LRPAP1: variants seen among roughly 807,000 people sequenced by gnomAD.
LRPAP1 encodes alpha-2-macroglobulin receptor-associated protein.
LRPAP1 carries 41 observed loss-of-function variants against 39.9 expected under a neutral mutation model. That is an observed-to-expected ratio of 1.03 (90% CI 0.80 to 1.33). The LOEUF is 1.33. Ranked by LOEUF, LRPAP1 falls within the 40% of genes most tolerant of loss-of-function variation. The pLI is 0.00. For missense variants in LRPAP1, 565 were observed against 482.3 expected (o/e 1.17, Z -1.61); for synonymous variants, 263 against 212.7 (o/e 1.24, Z -2.06).
intron 2 of LRPAP1, among the ~76,000 whole-genome samples, chr4:3,522,810 G>A (rs562475829): frequency 2.6e-5 from 4 of 151,378 alleles, no homozygotes; most frequent in Admixed American, 2.0e-4. Flanking sequence ...GAACCCCAGA[G>A]CAGAGCAGGG....
At position 3,518,969 on chromosome 4, in the gene LRPAP1, G is replaced by C; in HGVS notation, c.494C>G (p.Ser165Cys). The change falls in exon 4 of 8, where the codon TCC (serine) becomes TGC (cysteine). Residue 165 changes from serine (S) to cysteine (C), a missense_variant. Ser to Cys is a moderately radical substitution (Grantham distance 112, BLOSUM62 -1). Coordinates refer to ENST00000650182, the MANE Select transcript of LRPAP1 (RefSeq NM_002337.4). ...CCAGAGCTTGTCCAGTTCTTCGCCGGAGAATTTCCCAGAGGTCTTCGCCTA... is the reference window on the plus strand; with the variant it reads ...CCAGAGCTTGTCCAGTTCTTCGCCGCAGAATTTCCCAGAGGTCTTCGCCTA... Reference protein sequence around the residue: ...WHKAKTSGKFSGEELDKLWRE... With the variant: ...WHKAKTSGKFCGEELDKLWRE... 3 of 1,614,010 alleles carry C rather than the reference G, an allele frequency of 1.9e-6. No homozygotes were observed. Among genetic ancestry groups the C allele is most frequent in the Non-Finnish European group, 2.5e-6 (3 of 1,179,968 alleles).
At chr4:3,531,745 T>C (rs986416536) in intron 1 of LRPAP1, among the ~76,000 whole-genome samples, 6 of 152,258 alleles carry the variant, frequency 3.9e-5, no homozygotes, top group Non-Finnish European at 5.9e-5. Context: ...TCCTCATTTC[T>C]CGCTCAAATG....
At chr4:3,516,002 C>T (rs1560254112) in intron 6 of LRPAP1, 114 bp downstream of exon 6, 52 of 1,065,646 alleles carry the variant, frequency 4.9e-5, no homozygotes, top group South Asian at 4.7e-4. Context: ...GAAGAAACTG[C>T]GAGAATCTTG....
At chr4:3,529,688 C>G (rs975752273) in intron 1 of LRPAP1, among the ~76,000 whole-genome samples, 4 of 152,170 alleles carry the variant, frequency 2.6e-5, no homozygotes, top group Admixed American at 6.5e-5. Context: ...GCAGCACCCC[C>G]CTGGCCGGGT....
intron 3 of LRPAP1, 22 bp downstream of exon 3, chr4:3,520,050 T>C: frequency 6.2e-7 from 1 of 1,612,948 alleles, no homozygotes; most frequent in Non-Finnish European, 8.5e-7. Context: ...TTCTGCAAGG[T>C]ATGCAAACAA....
intron 4 of LRPAP1, 110 bp from the exon 5 acceptor site, chr4:3,518,302 G>A (rs1476125926): frequency 1.6e-6 from 2 of 1,228,764 alleles, no homozygotes; most frequent in East Asian, 2.6e-5. Flanking sequence ...TCTCATTTCT[G>A]GGCTGAAAAT....
intron 1 of LRPAP1, among the ~76,000 whole-genome samples, chr4:3,526,824 G>A (rs1730092126): frequency 6.6e-6 from 1 of 152,202 alleles, no homozygotes; most frequent in Non-Finnish European, 1.5e-5. Flanking sequence ...CTCCAGCTGG[G>A]TGCTGGGGCT....
intron 1 of LRPAP1, among the ~76,000 whole-genome samples, chr4:3,530,064 C>T (rs996997736): frequency 2.0e-5 from 3 of 152,192 alleles, no homozygotes; most frequent in South Asian, 4.1e-4. Flanking sequence ...CTACCTAGAG[C>T]GGCGAGTCAG....
Position 3,512,784 on chromosome 4 carries a change from A to C in LRPAP1, c.*190T>G. The C allele has an allele frequency of 1.7e-6, 1 of 591,930 alleles. No homozygotes were observed. Among genetic ancestry groups the C allele is most frequent in the Non-Finnish European group, 3.0e-6 (1 of 332,722 alleles). The allele number at this position is 591,930 out of a possible 1,614,324, so 36.7% of individuals were successfully genotyped here. ...TCAGAGCTGGGCCGATCTCAGACCCAAATGCTACCACCACCAAGCCCTGTG... is the reference window on the plus strand; with the variant it reads ...TCAGAGCTGGGCCGATCTCAGACCCCAATGCTACCACCACCAAGCCCTGTG... On this transcript the variant is annotated 3_prime_UTR_variant, in exon 8 of 8. Transcript: ENST00000650182.
chr4:3,514,333 C>T (rs1182890146), intron 7 of LRPAP1, among the ~76,000 whole-genome samples: 1 of 152,242 alleles, frequency 6.6e-6, no homozygotes, highest in Non-Finnish European at 1.5e-5. Context: ...TGTGGCAAGG[C>T]TGTGCGCTGG....
chr4:3,515,792 C>A, intron 6 of LRPAP1: 1 of 404,878 alleles, frequency 2.5e-6, no homozygotes, highest in Non-Finnish European at 4.6e-6. Context: ...CGGTAGTGTC[C>A]TTGGTCCCCT....
At chr4:3,520,377 G>T (rs1729874673) in intron 2 of LRPAP1, 184 bp from the exon 3 acceptor site, 1 of 629,760 alleles carries the variant, frequency 1.6e-6, no homozygotes, top group Non-Finnish European at 2.7e-6. Flanking sequence ...CAAGCGTGGG[G>T]TCTGTGGTCT....
In LRPAP1 at chr4:3,525,014, G is replaced by A; in HGVS notation, c.242C>T (p.Ala81Val). ...LPPVRLAELH[A>V]DLKIQERDEL... is the part of the protein sequence containing the mutation. ...GTCCCTCTCCTGTATCTTCAGATCA[G>A]CGTGGAGCTCGGCCAGCCTCACGGG... The change falls in exon 2 of 8, where the codon GCT (alanine) becomes GTT (valine). Residue 81 changes from alanine to valine, a missense_variant. Physicochemically the swap from Ala to Val is moderately conservative, Grantham distance 64. Coordinates refer to ENST00000650182, the MANE Select transcript of LRPAP1 (RefSeq NM_002337.4). The A allele has an allele frequency of 6.2e-7, 1 of 1,614,144 alleles. No homozygotes were observed. Among genetic ancestry groups the A allele is most frequent in the Non-Finnish European group, 8.5e-7 (1 of 1,180,052 alleles).
chr4:3,513,529 G>A (rs773102349), intron 7 of LRPAP1, among the ~76,000 whole-genome samples: 1 of 152,060 alleles, frequency 6.6e-6, no homozygotes, highest in South Asian at 2.1e-4. Context: ...GGCTGGTCTC[G>A]AACTCCTGAG....
At chr4:3,530,981 G>A (rs1730233245) in intron 1 of LRPAP1, among the ~76,000 whole-genome samples, 2 of 152,098 alleles carry the variant, frequency 1.3e-5, no homozygotes, top group African/African-American at 2.4e-5. Flanking sequence ...CAGTGGGCAC[G>A]GGGAGGCAGC....
intron 5 of LRPAP1, chr4:3,517,585 A>T (rs1729755476): frequency 6.4e-6 from 1 of 155,792 alleles, no homozygotes; most frequent in African/African-American, 2.4e-5. Context: ...GAGGGAGATG[A>T]GCTGCTGAGA....
intron 2 of LRPAP1, among the ~76,000 whole-genome samples, chr4:3,522,451 C>A (rs1237119779): frequency 6.6e-6 from 1 of 151,248 alleles, no homozygotes; most frequent in Non-Finnish European, 1.5e-5. Context: ...CTGGAGGCGG[C>A]CTCAGGAGCA....
At chr4:3,527,774 C>A (rs935891492) in intron 1 of LRPAP1, among the ~76,000 whole-genome samples, 42 of 152,180 alleles carry the variant, frequency 2.8e-4, no homozygotes, top group African/African-American at 9.4e-4. Flanking sequence ...CTGCTGAAGT[C>A]CTGGGCCCAT....
At position 3,514,890 on chromosome 4, in the gene LRPAP1, G is replaced by C. The variant is rs771627386; in HGVS notation, c.873C>G (p.His291Gln). The change falls in exon 7 of 8, where the codon CAC becomes CAG. Residue 291 changes from histidine to glutamine, a missense_variant. His to Gln is a conservative substitution (Grantham distance 24). Transcript: ENST00000650182. ...TCTCCAGCTGCTTCTGGTAGTGGTTGTGCTTCTCGATTTTGGCTTCGAAGT... is the reference window on the plus strand; with the variant it reads ...TCTCCAGCTGCTTCTGGTAGTGGTTCTGCTTCTCGATTTTGGCTTCGAAGT... The part of the protein sequence containing the change: ...LKHFEAKIEK[H>Q]NHYQKQLEIA... 9 of 1,613,882 alleles carry C rather than the reference G, an allele frequency of 5.6e-6. No individual in the cohort carries two copies. The South Asian group carries it at 9.9e-5, about 18-fold the overall frequency.
Sources: gnomAD v4.1 joint callset for allele counts (sites outside exome capture counted in the v4.1 genomes callset) on GRCh38, gnomAD v4.1.1 for gene constraint, MANE v1.5 for transcripts, NCBI Gene and HGNC (gene_info 2026-07-23, HGNC 2026-07-21) for gene names.